NRG3: variants seen among roughly 807,000 people sequenced by gnomAD.
The protein encoded by NRG3 is neuregulin 3.
NRG3 carries 31 observed loss-of-function variants against 66.9 expected under a neutral mutation model. The observed-to-expected ratio is 0.46, with a 90% CI of 0.35 to 0.63. The LOEUF (loss-of-function observed/expected upper bound fraction) is 0.63, where lower values mean the gene tolerates loss of function less well. Among genes scored for constraint, NRG3 ranks in the 20% least tolerant of loss-of-function variants. The pLI, the probability that NRG3 is intolerant of heterozygous loss-of-function variation, is 0.00. For missense variants in NRG3, 910 were observed against 878.9 expected, an observed-to-expected ratio of 1.04 and a Z score of -0.45; for synonymous variants, 393 against 359.4, an observed-to-expected ratio of 1.09 and a Z score of -1.06.
intron 2 of NRG3, among the ~76,000 whole-genome samples, chr10:82,544,431 C>T (rs1232682821): frequency 1.3e-5 from 2 of 152,140 alleles, no homozygotes; most frequent in Non-Finnish European, 2.9e-5. Context: ...TCCATTTCCC[C>T]TGCCCTACAA....
intron 2 of NRG3, among the ~76,000 whole-genome samples, chr10:82,491,317 A>ATATATATATATATATAT (rs1564985027): frequency 5.2e-4 from 17 of 32,994 alleles, no homozygotes; most frequent in African/African-American, 1.0e-3. Flanking sequence ...TATATATATA[A>ATATATATATATATATAT]AATAAAGATG....
intron 2 of NRG3, among the ~76,000 whole-genome samples, chr10:82,554,489 A>C (rs2132931414): frequency 6.6e-6 from 1 of 152,304 alleles, no homozygotes; most frequent in Non-Finnish European, 1.5e-5. Context: ...TTCATAGTTT[A>C]AACTGGGATA....
chr10:82,021,729 TA>T (rs2062067901), intron 1 of NRG3, among the ~76,000 whole-genome samples: 1 of 151,934 alleles, frequency 6.6e-6, no homozygotes, highest in South Asian at 2.1e-4. Context: ...AAGATAATTT[TA>T]TATCAGCCTG....
At chr10:82,262,192 T>G (rs2078064976) in intron 1 of NRG3, among the ~76,000 whole-genome samples, 1 of 152,200 alleles carries the variant, frequency 6.6e-6, no homozygotes, top group Admixed American at 6.5e-5. Flanking sequence ...ACAGTAGTCA[T>G]CAAAGTAAAG....
chr10:82,699,686 C>G (rs2055699444), intron 2 of NRG3, among the ~76,000 whole-genome samples: 1 of 152,096 alleles, frequency 6.6e-6, no homozygotes, highest in Non-Finnish European at 1.5e-5. Context: ...GAGACTGTCT[C>G]TCTTATTTTA....
chr10:82,614,732 G>A lies in NRG3; in HGVS notation c.954-123845G>A, dbSNP rs182496411. Among the ~76,000 whole-genome samples the A allele has an allele frequency of 5.3e-5, 8 of 152,142 alleles. No individual in the cohort carries two copies. The East Asian group carries it at 1.5e-3, about 29-fold the overall frequency. ...CTACTCTACTGCTCTAGAAACACTT[G>A]TTTTCTCCTGACCCTTTTATCCCAT... On this transcript the variant is annotated intron_variant, in intron 2 of 8. Coordinates refer to ENST00000372141, the MANE Select transcript of NRG3 (RefSeq NM_001010848.4).
chr10:82,007,409 A>G (rs759528255), intron 1 of NRG3, among the ~76,000 whole-genome samples: 2 of 151,768 alleles, frequency 1.3e-5, no homozygotes, highest in Non-Finnish European at 2.9e-5. Flanking sequence ...GGGGTTTCAC[A>G]ATGTTGGCCA....
intron 1 of NRG3, among the ~76,000 whole-genome samples, chr10:82,186,843 C>CTGG (rs1190645640): frequency 1.3e-5 from 2 of 152,168 alleles, no homozygotes; most frequent in Non-Finnish European, 2.9e-5. Context: ...ATACTGGACT[C>CTGG]TGGTCTGGTA....
At chr10:82,766,648 A>G (rs1453184069) in intron 3 of NRG3, among the ~76,000 whole-genome samples, 1 of 152,064 alleles carries the variant, frequency 6.6e-6, no homozygotes, top group East Asian at 1.9e-4. Flanking sequence ...TAGTTCAGCT[A>G]TTAGAAAACT....
intron 2 of NRG3, among the ~76,000 whole-genome samples, chr10:82,381,703 A>G (rs1377119779): frequency 6.6e-6 from 1 of 152,072 alleles, no homozygotes; most frequent in Non-Finnish European, 1.5e-5. Context: ...GGGTTGGGAG[A>G]CTTTATCACA....
intron 3 of NRG3, among the ~76,000 whole-genome samples, chr10:82,743,277 C>T (rs954562583): frequency 3.9e-5 from 6 of 152,080 alleles, no homozygotes; most frequent in Admixed American, 1.3e-4. Context: ...TGTATTCATA[C>T]GTGCTGACTT....
chr10:82,579,540 C>T (rs1040263517), intron 2 of NRG3, among the ~76,000 whole-genome samples: 12 of 151,844 alleles, frequency 7.9e-5, no homozygotes, highest in African/African-American at 2.4e-4. Context: ...CACACATGTG[C>T]GTTTGCGTGT....
intron 2 of NRG3, among the ~76,000 whole-genome samples, chr10:82,501,343 A>G (rs1029034924): frequency 1.3e-5 from 2 of 152,264 alleles, no homozygotes; most frequent in African/African-American, 4.8e-5. Context: ...CAGCACCGCA[A>G]CAAGAGCAAA....
chr10:82,393,715 T>G (rs1309749544), intron 2 of NRG3, among the ~76,000 whole-genome samples: 2 of 152,158 alleles, frequency 1.3e-5, no homozygotes, highest in East Asian at 3.9e-4. Context: ...AGGAGCAGCA[T>G]ATGCATGGCA....
chr10:82,922,397 T>C (rs1015372580), intron 4 of NRG3, among the ~76,000 whole-genome samples: 5 of 152,196 alleles, frequency 3.3e-5, no homozygotes, highest in African/African-American at 9.6e-5. Context: ...TCCAACTTTT[T>C]TGGTGCCTTT....
Position 82,036,995 on chromosome 10 carries a change from A to G in NRG3, c.823+160832A>G, listed in dbSNP as rs567593924. Among the ~76,000 whole-genome samples, 3 of 152,244 alleles carry G rather than the reference A, an allele frequency of 2.0e-5. No individual in the cohort carries two copies. The South Asian group carries it at 6.2e-4, about 32-fold the overall frequency. ...TTTTATTAATCACTGTATGAATTTG[A>G]TTATAATTTATAATCACCAACATAG... On this transcript the variant is annotated intron_variant, in intron 1 of 8. Coordinates refer to ENST00000372141, the MANE Select transcript of NRG3 (RefSeq NM_001010848.4).
At chr10:82,635,732 T>C (rs2050151367) in intron 2 of NRG3, among the ~76,000 whole-genome samples, 1 of 152,196 alleles carries the variant, frequency 6.6e-6, no homozygotes, top group Non-Finnish European at 1.5e-5. Context: ...GAATGTTCTC[T>C]TCTCCTTTCC....
chr10:82,347,511 T>A (rs1015600639), intron 1 of NRG3, among the ~76,000 whole-genome samples: 4 of 151,096 alleles, frequency 2.6e-5, no homozygotes, highest in Admixed American at 6.6e-5. Context: ...TTGGAATAGG[T>A]GTGGTGTGGT....
chr10:82,869,801 GT>G lies in NRG3; in HGVS notation c.1054+4368del, dbSNP rs1459236689. Among the ~76,000 whole-genome samples the G allele has an allele frequency of 3.3e-5, 5 of 151,090 alleles. No individual in the cohort carries two copies. The South Asian group carries it at 1.1e-3, about 32-fold the overall frequency. ...TTTTCGTATTTTTAGTAGAGACGGG[GT>G]TTTCACCGTGTTAGCCCGGATGGTC... On this transcript the variant is annotated intron_variant, in intron 4 of 8. Transcript: ENST00000372141.
Sources: gnomAD v4.1 joint callset for allele counts (sites outside exome capture counted in the v4.1 genomes callset) on GRCh38, gnomAD v4.1.1 for gene constraint, MANE v1.5 for transcripts, NCBI Gene and HGNC (gene_info 2026-07-23, HGNC 2026-07-21) for gene names.